SPMAP2L: variants seen among roughly 807,000 people sequenced by gnomAD.
The protein encoded by SPMAP2L is sperm microtubule associated protein 2-like.
At chr4:56,539,137 C>T in the SPMAP2L span, among the ~76,000 whole-genome samples, 66 of 152,246 alleles carry the variant, frequency 4.3e-4, 1 homozygote, top group South Asian at 0.013. Context: ...TTTATAGAGT[C>T]GGTTCTATTA....
At chr4:56,558,375 G>A in the SPMAP2L span, among the ~76,000 whole-genome samples, 1 of 152,006 alleles carries the variant, frequency 6.6e-6, no homozygotes, top group African/African-American at 2.4e-5. Context: ...ATTATCCTCA[G>A]TGACTTTTGT....
chr4:56,559,550 T>C, the SPMAP2L span: 1 of 1,455,038 alleles, frequency 6.9e-7, no homozygotes, highest in Non-Finnish European at 9.0e-7. Context: ...CATGTTACTT[T>C]ATCAGGAGGT....
the SPMAP2L span, among the ~76,000 whole-genome samples, chr4:56,613,068 C>T: frequency 6.6e-6 from 1 of 152,140 alleles, no homozygotes; most frequent in Non-Finnish European, 1.5e-5. Flanking sequence ...TTTGTTCTCC[C>T]TTATATAACT....
chr4:56,624,824 G>A, the SPMAP2L span, among the ~76,000 whole-genome samples: 1 of 152,216 alleles, frequency 6.6e-6, no homozygotes, highest in African/African-American at 2.4e-5. Flanking sequence ...CCCTCATGGA[G>A]AACCTCTTCT....
chr4:56,568,598 G>A, the SPMAP2L span, among the ~76,000 whole-genome samples: 3 of 152,240 alleles, frequency 2.0e-5, no homozygotes, highest in East Asian at 5.8e-4. Flanking sequence ...ACGCTGAAGT[G>A]GGAGGATCGC....
At chr4:56,584,523 A>T in the SPMAP2L span, 18 of 1,535,332 alleles carry the variant, frequency 1.2e-5, no homozygotes, top group Non-Finnish European at 1.6e-5. Context: ...TCAGCAAGAG[A>T]TTCTCTTCGA....
At chr4:56,593,294 A>G in the SPMAP2L span, 1 of 1,176,430 alleles carries the variant, frequency 8.5e-7, no homozygotes, top group Admixed American at 1.7e-5. Context: ...TGCTACAGAC[A>G]CAAGAGGAGG....
At chr4:56,623,264 C>G in the SPMAP2L span, among the ~76,000 whole-genome samples, 2 of 152,202 alleles carry the variant, frequency 1.3e-5, no homozygotes, top group Non-Finnish European at 2.9e-5. Context: ...TTTTTACCCC[C>G]ACCCATGGAA....
chr4:56,600,440 C>T, the SPMAP2L span, among the ~76,000 whole-genome samples: 5 of 151,962 alleles, frequency 3.3e-5, no homozygotes, highest in East Asian at 1.9e-4. Flanking sequence ...ATTACAGGCA[C>T]GGGCCACCAA....
At chr4:56,548,215 C>G in the SPMAP2L span, among the ~76,000 whole-genome samples, 15 of 145,036 alleles carry the variant, frequency 1.0e-4, no homozygotes, top group African/African-American at 3.7e-4. Context: ...TGATTATAAG[C>G]AAGTTTGAGC....
chr4:56,546,345 C>T, the SPMAP2L span, among the ~76,000 whole-genome samples: 1 of 152,130 alleles, frequency 6.6e-6, no homozygotes, highest in Non-Finnish European at 1.5e-5. Flanking sequence ...ACTCTGATTC[C>T]AGAGCCAGTG....
chr4:56,594,399 C>G, the SPMAP2L span: 1 of 1,587,288 alleles, frequency 6.3e-7, no homozygotes, highest in East Asian at 2.2e-5. Flanking sequence ...AACATCCACC[C>G]CTTTGTGCCT....
chr4:56,548,747 C>T, the SPMAP2L span: 1 of 1,360,956 alleles, frequency 7.3e-7, no homozygotes, highest in Non-Finnish European at 9.8e-7. Flanking sequence ...ATCTTTGATT[C>T]CTGTTGAATC....
the SPMAP2L span, chr4:56,548,743 G>A: frequency 1.5e-6 from 2 of 1,331,044 alleles, no homozygotes; most frequent in Non-Finnish European, 2.0e-6. Context: ...TCATATCTTT[G>A]ATTCCTGTTG....
chr4:56,566,773 T>G, the SPMAP2L span, among the ~76,000 whole-genome samples: 1 of 137,916 alleles, frequency 7.3e-6, no homozygotes, highest in Non-Finnish European at 1.5e-5. Flanking sequence ...CTCAGCTCAC[T>G]GCAACCTCCG....
the SPMAP2L span, among the ~76,000 whole-genome samples, chr4:56,568,840 T>G: frequency 6.6e-6 from 1 of 152,208 alleles, no homozygotes; most frequent in Non-Finnish European, 1.5e-5. Flanking sequence ...AAGCCCTAAG[T>G]AACCACTAAT....
the SPMAP2L span, chr4:56,552,434 C>T: frequency 4.6e-6 from 3 of 649,162 alleles, no homozygotes; most frequent in Non-Finnish European, 8.2e-6. Context: ...CAAATCACAT[C>T]AAATACAGCA....
chr4:56,609,111 G>A, the SPMAP2L span, among the ~76,000 whole-genome samples: 112 of 144,428 alleles, frequency 7.8e-4, no homozygotes, highest in Middle Eastern at 3.9e-3. Context: ...GTGCAGTGGC[G>A]TGATCTTGGC....
chr4:56,616,944 G>A, the SPMAP2L span, among the ~76,000 whole-genome samples: 1 of 152,056 alleles, frequency 6.6e-6, no homozygotes, highest in Non-Finnish European at 1.5e-5. Context: ...GATTTTGTAG[G>A]TATACAATAT....
Sources: gnomAD v4.1 joint callset for allele counts (sites outside exome capture counted in the v4.1 genomes callset) on GRCh38, gnomAD v4.1.1 for gene constraint, MANE v1.5 for transcripts, NCBI Gene and HGNC (gene_info 2026-07-23, HGNC 2026-07-21) for gene names.